The following NUDT3 variants were observed in gnomAD, a reference collection of about 807,000 sequenced individuals.
NUDT3 encodes the protein nudix hydrolase 3.
A neutral mutation model predicts 23.6 loss-of-function variants in NUDT3; 9 were observed. That is an observed-to-expected ratio of 0.38 (90% CI 0.23 to 0.66). The LOEUF (loss-of-function observed/expected upper bound fraction) is 0.66. NUDT3 is among the 30% of genes least tolerant of loss of function. The probability of loss-of-function intolerance (pLI) is 0.52; values close to 1 mark genes in which losing one functional copy is unlikely to be tolerated. For synonymous variants in NUDT3, 86 were observed against 82.6 expected (o/e 1.04, Z -0.22); for missense variants, 172 against 218.5 (o/e 0.79, Z 1.34).
At chr6:34,306,062 A>G (rs1763674790) in intron 2 of NUDT3, among the ~76,000 whole-genome samples, 1 of 151,962 alleles carries the variant, frequency 6.6e-6, no homozygotes, top group South Asian at 2.1e-4. Flanking sequence ...TTTAACCTCT[A>G]TTTTTCTGTT....
chr6:34,361,499 T>C (rs1052816355), intron 1 of NUDT3, among the ~76,000 whole-genome samples: 11 of 152,188 alleles, frequency 7.2e-5, no homozygotes, highest in Non-Finnish European at 1.6e-4. Context: ...ACTCTTACCC[T>C]ATGATAACAC....
chr6:34,376,445 A>AT (rs1031661704), intron 1 of NUDT3, among the ~76,000 whole-genome samples: 9 of 151,874 alleles, frequency 5.9e-5, no homozygotes, highest in African/African-American at 1.7e-4. Flanking sequence ...TGCACAGCTA[A>AT]TTTTTTATTT....
chr6:34,333,741 A>G (rs1263009441), intron 2 of NUDT3, among the ~76,000 whole-genome samples: 1 of 152,252 alleles, frequency 6.6e-6, no homozygotes, highest in Non-Finnish European at 1.5e-5. Context: ...CACTACTCTG[A>G]GCACAGCTAA....
intron 2 of NUDT3, among the ~76,000 whole-genome samples, chr6:34,311,806 G>A (rs896104726): frequency 2.0e-5 from 3 of 152,230 alleles, no homozygotes; most frequent in Non-Finnish European, 2.9e-5. Flanking sequence ...GAATAAGAAC[G>A]ATACAATGGA....
chr6:34,305,257 T>A (rs1281921827), intron 2 of NUDT3, among the ~76,000 whole-genome samples: 2 of 152,276 alleles, frequency 1.3e-5, no homozygotes, highest in East Asian at 3.9e-4. Context: ...GCTGGGATTA[T>A]AGGCGTGTGA....
At chr6:34,354,955 G>C (rs1381623015) in intron 1 of NUDT3, among the ~76,000 whole-genome samples, 1 of 151,512 alleles carries the variant, frequency 6.6e-6, no homozygotes, top group Non-Finnish European at 1.5e-5. Context: ...CTATATAGAT[G>C]ATCATGTTAA....
At chr6:34,358,175 C>A (rs545676192) in intron 1 of NUDT3, among the ~76,000 whole-genome samples, 1 of 151,790 alleles carries the variant, frequency 6.6e-6, no homozygotes, top group Admixed American at 6.6e-5. Context: ...CATACTTGCC[C>A]TTCACTCTTC....
Position 34,288,092 on chromosome 6 carries a change from A to G in NUDT3, c.*661T>C, listed in dbSNP as rs1253149715. 1 of 152,256 alleles carries G rather than the reference A, an allele frequency of 6.6e-6. No individual in the cohort carries two copies. Among genetic ancestry groups the G allele is most frequent in the Non-Finnish European group, 1.5e-5 (1 of 68,042 alleles). The allele number at this position is 152,256 out of a possible 1,614,324, so 9.4% of individuals were successfully genotyped here. A position where few individuals can be genotyped will look rare whatever the true frequency, so the allele number is the denominator to read the frequency against. ...TCTACAGTCAATGACTGGGAAATAG[A>G]GAAAGGACAGGGCAACCTGCCCAGC... On this transcript the variant is annotated 3_prime_UTR_variant, in exon 5 of 5. Transcript: ENST00000607016.
intron 1 of NUDT3, among the ~76,000 whole-genome samples, chr6:34,354,007 A>G (rs1287061357): frequency 2.0e-5 from 3 of 151,368 alleles, no homozygotes; most frequent in Non-Finnish European, 4.4e-5. Flanking sequence ...GGTTCAAGCG[A>G]TTCTCCTGCC....
chr6:34,298,826 T>G (rs1301306800), intron 2 of NUDT3, among the ~76,000 whole-genome samples: 1 of 152,244 alleles, frequency 6.6e-6, no homozygotes, highest in African/African-American at 2.4e-5. Flanking sequence ...TTTAATGTGA[T>G]CTTACCAATA....
At chr6:34,361,957 C>G (rs1359981640) in intron 1 of NUDT3, among the ~76,000 whole-genome samples, 1 of 152,092 alleles carries the variant, frequency 6.6e-6, no homozygotes. Flanking sequence ...GGAAGTACAC[C>G]AGCAAGAGAG....
At chr6:34,325,877 C>T (rs1764019698) in intron 2 of NUDT3, among the ~76,000 whole-genome samples, 1 of 152,204 alleles carries the variant, frequency 6.6e-6, no homozygotes, top group Non-Finnish European at 1.5e-5. Context: ...GGGAAAGTGG[C>T]ATCTGTCACA....
chr6:34,323,138 AT>A (rs1763971373), intron 2 of NUDT3, among the ~76,000 whole-genome samples: 4 of 152,304 alleles, frequency 2.6e-5, no homozygotes, highest in Admixed American at 2.0e-4. Flanking sequence ...CCCATCAGGT[AT>A]TATGTTTGCT....
At chr6:34,346,772 T>A (rs1764377819) in intron 1 of NUDT3, among the ~76,000 whole-genome samples, 1 of 152,132 alleles carries the variant, frequency 6.6e-6, no homozygotes, top group South Asian at 2.1e-4. Context: ...CTGCTTTTTG[T>A]AGAGACAGGG....
At position 34,392,328 on chromosome 6, in the gene NUDT3, T is replaced by A; in HGVS notation, c.35A>T (p.Tyr12Phe). 1.9e-6 allele frequency: 3 copies of A among 1,606,360 alleles called. No homozygotes were observed. Among genetic ancestry groups the A allele is most frequent in the Non-Finnish European group, 2.5e-6 (3 of 1,177,464 alleles). Residue 12 changes from tyrosine to phenylalanine, a missense_variant, in exon 1 of 5, where the codon TAC becomes TTC. Physicochemically the swap from Tyr to Phe is conservative, Grantham distance 22. Around this residue, in one of 3 missense-constraint regions of NUDT3, gnomAD observed 50 missense variants for 46.2 expected, o/e 1.08. Transcript: ENST00000607016. ...MKLKSNQTRT[Y>F]DGDGYKKRAA... ...CCGCTTCTTGTAGCCGTCGCCGTCG[T>A]AGGTGCGGGTCTGGTTCGACTTGAG...
At chr6:34,369,232 A>C (rs763360147) in intron 1 of NUDT3, among the ~76,000 whole-genome samples, 2 of 152,242 alleles carry the variant, frequency 1.3e-5, no homozygotes, top group Non-Finnish European at 2.9e-5. Context: ...CAAGAGAAAA[A>C]TATATAATGA....
At chr6:34,326,953 T>C (rs1461986367) in intron 2 of NUDT3, among the ~76,000 whole-genome samples, 2 of 151,586 alleles carry the variant, frequency 1.3e-5, no homozygotes, top group African/African-American at 2.4e-5. Context: ...AGAGAGATCG[T>C]ACGAAATAAA....
chr6:34,288,996 G>C, intron 4 of NUDT3, 65 bp from the exon 5 acceptor site: 1 of 1,475,334 alleles, frequency 6.8e-7, no homozygotes, highest in East Asian at 2.5e-5. Flanking sequence ...TAGAACTTTT[G>C]AGAAAATATA....
At chr6:34,308,652 T>G (rs894312431) in intron 2 of NUDT3, among the ~76,000 whole-genome samples, 2 of 152,098 alleles carry the variant, frequency 1.3e-5, no homozygotes, top group Non-Finnish European at 2.9e-5. Flanking sequence ...CTAACTACAC[T>G]AATCTCAGAA....
Sources: gnomAD v4.1 joint callset for allele counts (sites outside exome capture counted in the v4.1 genomes callset) on GRCh38, gnomAD v4.1.1 for gene constraint, gnomAD v4.1.1 regional missense constraint, MANE v1.5 for transcripts, NCBI Gene and HGNC (gene_info 2026-07-23, HGNC 2026-07-21) for gene names.